The following LILRB1 variants were observed in gnomAD, a reference collection of about 807,000 sequenced individuals.
LILRB1 encodes the protein leukocyte immunoglobulin-like receptor subfamily B member 1.
Under a neutral mutation model 74.6 loss-of-function variants are expected in LILRB1, and 59 were observed. The observed-to-expected ratio is 0.79, with a 90% CI of 0.64 to 0.98. The LOEUF is 0.98. Among genes scored for constraint, LILRB1 ranks in the 50% least tolerant of loss-of-function variants. LILRB1 has a pLI of 0.00. For synonymous variants in LILRB1, 328 were observed against 333.9 expected (o/e 0.98, Z 0.19); for missense variants, 804 against 822.6 (o/e 0.98, Z 0.28).
At chr19:54,622,355 A>G (rs1339104730) in intron 1 of LILRB1, among the ~76,000 whole-genome samples, 2 of 152,190 alleles carry the variant, frequency 1.3e-5, no homozygotes, top group Non-Finnish European at 2.9e-5. Context: ...TGTGTTGCCT[A>G]CAGTTCCTTT....
intron 8 of LILRB1, 90 bp downstream of exon 8, chr19:54,633,778 C>T: frequency 6.7e-7 from 1 of 1,494,770 alleles, no homozygotes; most frequent in Non-Finnish European, 9.0e-7. Flanking sequence ...CCCTCAAAGA[C>T]TCGAGCTTCC....
chr19:54,633,439 T>C (rs1392936447), intron 7 of LILRB1, 121 bp downstream of exon 7: 4 of 1,385,460 alleles, frequency 2.9e-6, no homozygotes, highest in Non-Finnish European at 2.9e-6. Context: ...AGTGGGAGAC[T>C]CACCCTCAGA....
chr19:54,625,418 G>A (rs1182688034), upstream of LILRB1, among the ~76,000 whole-genome samples: 1 of 152,104 alleles, frequency 6.6e-6, no homozygotes, highest in Non-Finnish European at 1.5e-5. Context: ...TCAGGGATCA[G>A]AAGCCTGTGG....
chr19:54,618,364 A>G (rs1468885426), intron 1 of LILRB1, among the ~76,000 whole-genome samples: 1 of 152,186 alleles, frequency 6.6e-6, no homozygotes, highest in Non-Finnish European at 1.5e-5. Flanking sequence ...ACTTAAGTAA[A>G]ATCTTTAATA....
chr19:54,631,366 C>T, intron 3 of LILRB1, 60 bp downstream of exon 3: 2 of 1,613,586 alleles, frequency 1.2e-6, no homozygotes, highest in Non-Finnish European at 1.7e-6. Context: ...GGGGCCACCC[C>T]CGTGCCGCTG....
chr19:54,621,471 T>C (rs2063453522), intron 1 of LILRB1, among the ~76,000 whole-genome samples: 1 of 152,230 alleles, frequency 6.6e-6, no homozygotes, highest in African/African-American at 2.4e-5. Context: ...CTTATATTTC[T>C]TGTTTTGAGA....
rs536137929 is a variant in LILRB1, at chr19:54,625,049, C to T, written c.-165-5468C>T. 5.8e-5 allele frequency among the ~76,000 whole-genome samples: 8 copies of T among 137,230 alleles called. No individual in the cohort carries two copies. The East Asian group carries it at 8.2e-4, about 14-fold the overall frequency. The allele number at this position is 137,230 out of a possible 152,430, so 90.0% of individuals were successfully genotyped here. ...GTCACTCGGTTTTGCTCTGGGGACA[C>T]GTGAAAGTGCCAGGCCTCCCCACAC... On this transcript the variant is annotated intron_variant, in intron 1 of 15. Coordinates refer to the LILRB1 transcript ENST00000396331.
chr19:54,637,567 A>T lies in LILRB1; in HGVS notation c.*689A>T, dbSNP rs1407664096. 3.9e-5 allele frequency: 6 copies of T among 151,976 alleles called. No homozygotes were observed. Among genetic ancestry groups the T allele is most frequent in the South Asian group, 2.1e-4 (1 of 4,828 alleles). 9.4% of individuals were successfully genotyped at this position (151,976 alleles called of 1,614,324 possible). Reference sequence around the variant, plus strand: ...AAAAAGAAAGAAAAAGAGAAAAAAGAAATTTAGAAGAATAACAAGTTATTC... The same window carrying T: ...AAAAAGAAAGAAAAAGAGAAAAAAGTAATTTAGAAGAATAACAAGTTATTC... On this transcript the variant is annotated 3_prime_UTR_variant, in exon 15 of 15. Coordinates refer to ENST00000324602, the MANE Select transcript of LILRB1 (RefSeq NM_001081637.3).
intron 1 of LILRB1, among the ~76,000 whole-genome samples, chr19:54,625,287 A>C (rs1377969631): frequency 2.7e-5 from 4 of 149,944 alleles, no homozygotes; most frequent in Admixed American, 1.3e-4. Flanking sequence ...AGAGGTGGGC[A>C]GCTGTGTGGT....
In LILRB1 at chr19:54,636,771, C is replaced by T; in HGVS notation, c.1852C>T (p.Gln618Ter). The change falls in exon 15 of 15, where the codon CAG (glutamine) becomes TAG (stop). Residue 618 changes from glutamine to a stop codon, truncating the protein, a stop_gained. Transcript: ENST00000324602. LOFTEE classifies it low-confidence loss of function (END_TRUNC). ...AGCCCCCCAGGATGTGACCTACGCC[C>T]AGCTGCACAGCTTGACCCTCAGACG... ...SEAPQDVTYA[Q>*]LHSLTLRREA... 1 of 1,612,990 alleles carries T rather than the reference C, an allele frequency of 6.2e-7. No homozygotes were observed. The highest frequency in any genetic ancestry group is 8.5e-7 in the Non-Finnish European group (1 of 1,179,328).
chr19:54,625,056 G>T (rs2063545378), intron 1 of LILRB1, among the ~76,000 whole-genome samples: 1 of 137,340 alleles, frequency 7.3e-6, no homozygotes, highest in South Asian at 2.7e-4. Flanking sequence ...ACACGTGAAA[G>T]TGCCAGGCCT....
chr19:54,623,335 G>T (rs2063501005), intron 1 of LILRB1, among the ~76,000 whole-genome samples: 1 of 152,064 alleles, frequency 6.6e-6, no homozygotes, highest in African/African-American at 2.4e-5. Context: ...ATTCTTTTTG[G>T]TTACTTGTTA....
chr19:54,627,620 C>T (rs1326778374), upstream of LILRB1, among the ~76,000 whole-genome samples: 1 of 152,232 alleles, frequency 6.6e-6, no homozygotes, highest in Non-Finnish European at 1.5e-5. Flanking sequence ...AACGGCATCT[C>T]CTCCAATGGA....
At chr19:54,634,314 G>A (rs774012374) in intron 9 of LILRB1, 109 of 1,540,580 alleles carry the variant, frequency 7.1e-5, no homozygotes, top group Non-Finnish European at 8.8e-5. Flanking sequence ...CCTGGGGCAG[G>A]GGAGGGGAGA....
chr19:54,627,006 T>C (rs1056675536), upstream of LILRB1, among the ~76,000 whole-genome samples: 3 of 152,090 alleles, frequency 2.0e-5, no homozygotes, highest in Admixed American at 6.5e-5. Context: ...GTGGCCCGGG[T>C]CACTGAGGGG....
intron 7 of LILRB1, 85 bp from the exon 8 acceptor site, chr19:54,633,553 C>T: frequency 1.5e-6 from 2 of 1,349,650 alleles, no homozygotes; most frequent in African/African-American, 1.5e-5. Flanking sequence ...GGGGAGGCCA[C>T]AGGTCCCATG....
intron 1 of LILRB1, among the ~76,000 whole-genome samples, chr19:54,622,251 TTG>T (rs1314126627): frequency 1.3e-5 from 2 of 152,230 alleles, no homozygotes; most frequent in Non-Finnish European, 2.9e-5. Context: ...TTAATAGGAA[TTG>T]TGTTGAATCT....
chr19:54,631,235 C>A, intron 2 of LILRB1, 36 bp from the exon 3 acceptor site: 1 of 1,613,992 alleles, frequency 6.2e-7, no homozygotes. Context: ...GCCCAGGCTT[C>A]AGGGGGCAAA....
rs750788865 is a variant in LILRB1 at position 54,633,139 on chromosome 19, G to A, written c.1082G>A (p.Gly361Glu). The change falls in exon 7 of 15, where the codon GGG becomes GAG. Residue 361 changes from glycine (G) to glutamate (E), a missense_variant. By Grantham distance (98) the Gly-to-Glu change is moderately conservative. Transcript: ENST00000324602. ...CAAACTTTCCTTCTGACCAAGGAGGGGGCAGCTGATGACCCATGGCGTCTA... is the reference window on the plus strand; with the variant it reads ...CAAACTTTCCTTCTGACCAAGGAGGAGGCAGCTGATGACCCATGGCGTCTA... ...WMQTFLLTKE[G>E]AADDPWRLRS... The A allele has an allele frequency of 6.2e-6, 10 of 1,614,154 alleles. No individual in the cohort carries two copies. Among genetic ancestry groups the A allele is most frequent in the East Asian group, 4.5e-5 (2 of 44,890 alleles).
Sources: allele counts gnomAD v4.1 joint callset (sites outside exome capture counted in the v4.1 genomes callset), GRCh38; gene constraint gnomAD v4.1.1; transcripts MANE v1.5; gene names NCBI Gene and HGNC (gene_info 2026-07-23, HGNC 2026-07-21).